AKR1E2: variants seen among roughly 807,000 people sequenced by gnomAD.
AKR1E2 encodes aldo-keto reductase family 1 member E2.
In AKR1E2, 43 loss-of-function variants were observed where a neutral mutation model predicts 41.9. The observed-to-expected ratio is 1.03, with a 90% CI of 0.80 to 1.32. The LOEUF is 1.32. AKR1E2 is among the 40% of genes most tolerant of loss of function. The pLI is 0.00. For synonymous variants in AKR1E2, 121 were observed against 138.9 expected (o/e 0.87, Z 0.91); for missense variants, 423 against 396.5 (o/e 1.07, Z -0.57).
intron 5 of AKR1E2, among the ~76,000 whole-genome samples, chr10:4,839,507 A>C (rs553885003): frequency 2.6e-5 from 4 of 152,310 alleles, no homozygotes; most frequent in African/African-American, 9.6e-5. Flanking sequence ...GAACATTCAG[A>C]TGATGTAGGT....
At chr10:4,826,896 C>T (rs141872086) in intron 1 of AKR1E2, among the ~76,000 whole-genome samples, 2,902 of 151,916 alleles carry the variant, frequency 0.019, 96 homozygotes, top group African/African-American at 0.067. Flanking sequence ...GTCAACATGG[C>T]GAAACCCTGT....
At chr10:4,855,262 A>G in the AKR1E2 span, among the ~76,000 whole-genome samples, 1 of 152,208 alleles carries the variant, frequency 6.6e-6, no homozygotes, top group South Asian at 2.1e-4. Context: ...GATTAATGGA[A>G]AAAAGGATTT....
chr10:4,850,823 T>G (rs1464916291), downstream of AKR1E2, among the ~76,000 whole-genome samples: 3 of 152,378 alleles, frequency 2.0e-5, no homozygotes, highest in South Asian at 2.1e-4. Flanking sequence ...ACTGTGCATT[T>G]AGACACTATT....
the AKR1E2 span, among the ~76,000 whole-genome samples, chr10:4,866,856 G>A: frequency 1.4e-4 from 22 of 152,034 alleles, no homozygotes; most frequent in East Asian, 3.5e-3. Context: ...CCTGGGTGGG[G>A]GCCACAATAT....
Position 4,847,441 on chromosome 10 carries a change from A to G in AKR1E2, c.921-47A>G, listed in dbSNP as rs748053107. 4.4e-6 allele frequency: 7 copies of G among 1,600,502 alleles called. No individual in the cohort carries two copies. In the Admixed American group the frequency reaches 8.5e-5, roughly 19 times the overall value. On this transcript the variant is annotated intron_variant, in intron 9 of 9. Transcript: ENST00000298375. ...CCATTTAAAATGTTTCTCTTAAAAA[A>G]TAATCATTCTTTGTTCCTATTTTTG...
the AKR1E2 span, among the ~76,000 whole-genome samples, chr10:4,858,501 A>C: frequency 1.3e-5 from 2 of 152,244 alleles, no homozygotes; most frequent in South Asian, 4.1e-4. Context: ...ATTTCAATGC[A>C]ATTGGTGCTT....
intron 2 of AKR1E2, among the ~76,000 whole-genome samples, chr10:4,833,032 C>G (rs1411507746): frequency 6.6e-6 from 1 of 152,194 alleles, no homozygotes; most frequent in African/African-American, 2.4e-5. Flanking sequence ...TCTTTTCTGC[C>G]TGCAGGAATT....
At chr10:4,844,191 G>T (rs1333448780) in intron 8 of AKR1E2, among the ~76,000 whole-genome samples, 3 of 152,152 alleles carry the variant, frequency 2.0e-5, no homozygotes, top group Non-Finnish European at 4.4e-5. Flanking sequence ...CCTTCTGGTG[G>T]GTTCATGGTC....
intron 3 of AKR1E2, 108 bp downstream of exon 3, chr10:4,833,574 TC>T: frequency 1.1e-6 from 1 of 929,168 alleles, no homozygotes; most frequent in Non-Finnish European, 1.7e-6. Context: ...GGGCAGGGGT[TC>T]CCAGGCTGCA....
the AKR1E2 span, among the ~76,000 whole-genome samples, chr10:4,871,222 G>A: frequency 6.6e-6 from 1 of 151,830 alleles, no homozygotes; most frequent in Non-Finnish European, 1.5e-5. Flanking sequence ...TTGCAAGTGT[G>A]TTTATAATTG....
At chr10:4,841,453 G>A (rs1833866634) in intron 6 of AKR1E2, among the ~76,000 whole-genome samples, 1 of 150,312 alleles carries the variant, frequency 6.7e-6, no homozygotes, top group Admixed American at 6.7e-5. Flanking sequence ...TAGAAGCTGA[G>A]AAGTCAGAGA....
rs1179793129 is a variant in AKR1E2 at position 4,826,615 on chromosome 10, CCTCAGA to C, written c.39+256_39+261del. ...AGAAGCGGGAACCTCGGCAGCCAAGCCTCAGACTCTGGGGCTGCGGCCGCGGCGTTG... is the reference window on the plus strand; with the variant it reads ...AGAAGCGGGAACCTCGGCAGCCAAGCCTCTGGGGCTGCGGCCGCGGCGTTG... On this transcript the variant is annotated intron_variant, in intron 1 of 9. Coordinates refer to ENST00000298375, the MANE Select transcript of AKR1E2 (RefSeq NM_001040177.3). 3.9e-5 allele frequency among the ~76,000 whole-genome samples: 6 copies of C among 152,274 alleles called. No homozygotes were observed. In the East Asian group the frequency reaches 9.7e-4, roughly 25 times the overall value.
the AKR1E2 span, among the ~76,000 whole-genome samples, chr10:4,872,746 G>T: frequency 6.6e-6 from 1 of 152,012 alleles, no homozygotes; most frequent in Non-Finnish European, 1.5e-5. Context: ...ACTCTAATGT[G>T]GTAAAGATAA....
At position 4,827,830 on chromosome 10, in the gene AKR1E2, C is replaced by G. The variant is rs566423471; in HGVS notation, c.39+1467C>G. On this transcript the variant is annotated intron_variant, in intron 1 of 9. Transcript: ENST00000298375. Reference sequence around the variant, plus strand: ...ATCTGTCAGCCCTTCATTCAGTAAGCACTCGATGGATTAAACTGTTGAGTC... The same window carrying G: ...ATCTGTCAGCCCTTCATTCAGTAAGGACTCGATGGATTAAACTGTTGAGTC... Among the ~76,000 whole-genome samples the G allele has an allele frequency of 3.3e-5, 5 of 152,292 alleles. No homozygotes were observed. The East Asian group carries it at 9.6e-4, about 29-fold the overall frequency.
At chr10:4,856,411 C>T in the AKR1E2 span, among the ~76,000 whole-genome samples, 1 of 152,140 alleles carries the variant, frequency 6.6e-6, no homozygotes, top group African/African-American at 2.4e-5. Context: ...TTATGACCTG[C>T]TCTTTAACAA....
Position 4,842,479 on chromosome 10 carries a change from C to T in AKR1E2, c.812C>T (p.Pro271Leu). Residue 271 changes from proline (P) to leucine (L), a missense_variant, in exon 8 of 10, where the codon CCA becomes CTA. Physicochemically the swap from Pro to Leu is moderately conservative, Grantham distance 98 (BLOSUM62 -3). Coordinates refer to ENST00000298375, the MANE Select transcript of AKR1E2 (RefSeq NM_001040177.3). ...NVIVIPGSIT[P>L]SHIKENIQVF... is the part of the protein sequence containing the mutation. Reference sequence around the variant, plus strand: ...ATAGTGATCCCCGGATCTATCACCCCAAGTCACATTAAAGAGAATATCCAG... The same window carrying T: ...ATAGTGATCCCCGGATCTATCACCCTAAGTCACATTAAAGAGAATATCCAG... 6.2e-7 allele frequency: 1 copy of T among 1,614,068 alleles called. No homozygotes were observed. The highest frequency in any genetic ancestry group is 8.5e-7 in the Non-Finnish European group (1 of 1,179,976).
chr10:4,849,797 G>A (rs1834489497), downstream of AKR1E2, among the ~76,000 whole-genome samples: 4 of 152,212 alleles, frequency 2.6e-5, no homozygotes, highest in Admixed American at 2.6e-4. Context: ...TTTACTTCCA[G>A]CCGGCATGAA....
At chr10:4,835,627 G>GTTTTA (rs569458647) in intron 3 of AKR1E2, 48 bp from the exon 4 acceptor site, 1 of 1,583,646 alleles carries the variant, frequency 6.3e-7, no homozygotes, top group Non-Finnish European at 8.6e-7. Context: ...GGTTTTTTTT[G>GTTTTA]TTTTGTTTTG....
chr10:4,845,858 C>G (rs768502239), intron 8 of AKR1E2: 2 of 470,446 alleles, frequency 4.3e-6, no homozygotes, highest in Admixed American at 2.4e-5. Context: ...GGGCCAAAGC[C>G]GAAGTGATCT....
Sources: gnomAD v4.1 joint callset for allele counts (sites outside exome capture counted in the v4.1 genomes callset) on GRCh38, gnomAD v4.1.1 for gene constraint, MANE v1.5 for transcripts, NCBI Gene and HGNC (gene_info 2026-07-23, HGNC 2026-07-21) for gene names.